TNRC18: variants seen among roughly 807,000 people sequenced by gnomAD.
The protein encoded by TNRC18 is trinucleotide repeat containing 18.
Under a neutral mutation model 226.7 loss-of-function variants are expected in TNRC18, and 69 were observed. That is an observed-to-expected ratio of 0.30 (90% CI 0.25 to 0.37). The LOEUF is 0.37. TNRC18 is among the 10% of genes least tolerant of loss of function. The pLI is 1.00. For synonymous variants in TNRC18, 2,449 were observed against 1,927.6 expected, an observed-to-expected ratio of 1.27 and a Z score of -7.09; for missense variants, 4,754 against 4,256.6, an observed-to-expected ratio of 1.12 and a Z score of -3.25.
At chr7:5,399,239 CCT>C (rs1780914130) in intron 2 of TNRC18, among the ~76,000 whole-genome samples, 1 of 152,136 alleles carries the variant, frequency 6.6e-6, no homozygotes, top group Admixed American at 6.6e-5. Flanking sequence ...AGCTCACTGG[CCT>C]CTCGAAAGAC....
In TNRC18 at chr7:5,327,380, T is replaced by TTTGTGC. The variant is rs1562497179; in HGVS notation, c.6148-2133_6148-2132insGCACAA. On this transcript the variant is annotated intron_variant, in intron 19 of 29. Coordinates refer to ENST00000430969, the MANE Select transcript of TNRC18 (RefSeq NM_001080495.3). ...ATATGTGTGTGTTTGTGCGTGTGTG[T>TTTGTGC]GTGTGTGTGTGTGTGTGTGTGTGTG... Among the ~76,000 whole-genome samples the TTTGTGC allele has an allele frequency of 3.7e-5, 3 of 81,496 alleles. No homozygotes were observed. The East Asian group carries it at 1.7e-3, about 47-fold the overall frequency. The allele number at this position is 81,496 out of a possible 152,430, so 53.5% of individuals were successfully genotyped here. A position where few individuals can be genotyped will look rare whatever the true frequency, so the allele number is the denominator to read the frequency against.
chr7:5,422,182 A>G (rs1309315568), intron 1 of TNRC18, among the ~76,000 whole-genome samples: 5 of 152,002 alleles, frequency 3.3e-5, no homozygotes, highest in Non-Finnish European at 1.5e-5. Flanking sequence ...TAAGGACTGG[A>G]AAGAATCCTA....
At chr7:5,372,859 A>G (rs55822515) in intron 10 of TNRC18, among the ~76,000 whole-genome samples, 83,140 of 151,994 alleles carry the variant, frequency 0.55, 23,599 homozygotes, top group African/African-American at 0.71. Flanking sequence ...ACATCTGTAC[A>G]AATATAAAAA....
chr7:5,351,850 G>T lies in TNRC18; in HGVS notation c.5439C>A (p.Phe1813Leu). The T allele has an allele frequency of 6.2e-7, 1 of 1,605,768 alleles. No homozygotes were observed. The change falls in exon 17 of 30, where the codon TTC (phenylalanine) becomes TTA (leucine). Residue 1813 changes from phenylalanine to leucine, a missense_variant. Transcript: ENST00000430969. ...CAAACGATTCCTCCGAAGAGTCGCT[G>T]AAGGAGGAACGCGCCTCGGCCTCTC... ...LLREAEARSSFSDSSEESFDQ... is the reference protein window; with the variant it reads ...LLREAEARSSLSDSSEESFDQ...
chr7:5,356,179 A>G (rs934150601), intron 16 of TNRC18, among the ~76,000 whole-genome samples: 2 of 146,212 alleles, frequency 1.4e-5, no homozygotes, highest in Non-Finnish European at 1.5e-5. Flanking sequence ...AAAAAAAAAA[A>G]AAAAAGAAAG....
intron 24 of TNRC18, among the ~76,000 whole-genome samples, chr7:5,317,998 A>G (rs191731966): frequency 6.6e-6 from 1 of 152,034 alleles, no homozygotes; most frequent in Admixed American, 6.6e-5. Flanking sequence ...CAGCCTCCCG[A>G]GTAGCTGGGA....
At chr7:5,336,287 C>CT (rs1405703275) in intron 18 of TNRC18, among the ~76,000 whole-genome samples, 2 of 151,236 alleles carry the variant, frequency 1.3e-5, no homozygotes, top group African/African-American at 4.9e-5. Context: ...AGAAAACCAA[C>CT]TAAACGTGAC....
intron 5 of TNRC18, among the ~76,000 whole-genome samples, chr7:5,383,808 T>C (rs1779565270): frequency 6.6e-6 from 1 of 152,032 alleles, no homozygotes; most frequent in African/African-American, 2.4e-5. Context: ...TTTTGTTCTT[T>C]TAGAGACCGG....
intron 24 of TNRC18, among the ~76,000 whole-genome samples, chr7:5,319,252 G>C (rs1364077667): frequency 6.6e-6 from 1 of 152,192 alleles, no homozygotes; most frequent in East Asian, 1.9e-4. Flanking sequence ...CTCATCTGTT[G>C]TTTTGCTGAG....
chr7:5,308,711 CAG>C (rs1297587771), intron 29 of TNRC18, among the ~76,000 whole-genome samples, 162 bp downstream of exon 29: 2 of 152,120 alleles, frequency 1.3e-5, no homozygotes, highest in East Asian at 1.9e-4. Flanking sequence ...ACCAGAGAGA[CAG>C]AGAACAGGAG....
intron 2 of TNRC18, among the ~76,000 whole-genome samples, chr7:5,419,231 G>C (rs1459492652): frequency 6.6e-6 from 1 of 152,266 alleles, no homozygotes; most frequent in Non-Finnish European, 1.5e-5. Context: ...CCCTGGCACT[G>C]TGCATGCATG....
intron 5 of TNRC18, among the ~76,000 whole-genome samples, chr7:5,381,880 C>A (rs1246425358): frequency 6.6e-6 from 1 of 152,086 alleles, no homozygotes; most frequent in Non-Finnish European, 1.5e-5. Flanking sequence ...GCAGGAGAAT[C>A]ACTTGAACCC....
At chr7:5,362,936 C>T (rs1583919253) in intron 11 of TNRC18, 111 bp from the exon 12 acceptor site, 2 of 1,154,618 alleles carry the variant, frequency 1.7e-6, no homozygotes, top group Non-Finnish European at 2.4e-6. Context: ...GTGCCCATCC[C>T]CCAAGGTGCT....
At position 5,376,929 on chromosome 7, in the gene TNRC18, G is replaced by A. The variant is rs1358738993; in HGVS notation, c.2526C>T (p.Ser842=). Residue 842 remains serine (S), a synonymous_variant, in exon 8 of 30, where the codon TCC becomes TCT. Coordinates refer to ENST00000430969, the MANE Select transcript of TNRC18 (RefSeq NM_001080495.3). Reference sequence around the variant, plus strand: ...TGACAAACTGGTAGGCTGACGGGAGGGAGCCCCCCAGGCCAGGTGGGAACG... The same window carrying A: ...TGACAAACTGGTAGGCTGACGGGAGAGAGCCCCCCAGGCCAGGTGGGAACG... ...APAFPPGLGG[S]LPSAYQFVRD... 2 of 1,601,414 alleles carry A rather than the reference G, an allele frequency of 1.2e-6. No individual in the cohort carries two copies. The highest frequency in any genetic ancestry group is 1.7e-6 in the Non-Finnish European group (2 of 1,174,284).
intron 18 of TNRC18, among the ~76,000 whole-genome samples, chr7:5,340,099 A>G (rs1365807922): frequency 3.3e-5 from 5 of 152,232 alleles, no homozygotes; most frequent in African/African-American, 4.8e-5. Flanking sequence ...GATTAAACTT[A>G]GTGAGGAAGG....
rs1389299222 is a variant in TNRC18 at position 5,325,236 on chromosome 7, T to A, written c.6160A>T (p.Lys2054Ter). ...RKDPRKKKKG[K>*]EAGPGAGLPP... ...AGCCCAGCTCCTGGCCCAGCCTCTT[T>A]CCCTTTCTTCTTCTGGAGGAGGAAG... is the stretch of plus-strand genomic sequence containing the variant. The change falls in exon 20 of 30, where the codon AAA becomes TAA. Residue 2054 changes from lysine to a stop codon, truncating the protein, a stop_gained. Transcript: ENST00000430969. LOFTEE classifies it high-confidence loss of function. The A allele has an allele frequency of 6.4e-7, 1 of 1,552,602 alleles. No homozygotes were observed. Among genetic ancestry groups the A allele is most frequent in the Admixed American group, 1.9e-5 (1 of 51,602 alleles).
At chr7:5,384,706 C>G (rs568304317) in intron 5 of TNRC18, among the ~76,000 whole-genome samples, 43 of 152,332 alleles carry the variant, frequency 2.8e-4, no homozygotes, top group African/African-American at 8.2e-4. Flanking sequence ...AGCCCCAAAC[C>G]TCTGAGCAGG....
rs1334784443 is a variant in TNRC18 at position 5,315,036 on chromosome 7, T to A, written c.6975A>T (p.Pro2325=). 3.1e-6 allele frequency: 5 copies of A among 1,609,300 alleles called. No homozygotes were observed. Among genetic ancestry groups the A allele is most frequent in the Non-Finnish European group, 4.2e-6 (5 of 1,178,358 alleles). ...KDGGTAGSEE[P]GAKARGRGRK... is the part of the protein sequence containing the mutation. ...GCCCACGCCCACGGGCCTTGGCTCC[T>A]GGCTCCTCCGACCCAGCCGTGCCAC... Residue 2325 remains proline, a synonymous_variant, in exon 26 of 30, where the codon CCA becomes CCT. Transcript: ENST00000430969.
chr7:5,394,497 A>T lies in TNRC18; in HGVS notation c.286T>A (p.Ser96Thr). Reference sequence around the variant, plus strand: ...ATGGGCAGGTTGCTAGGGGTTGGGGAGCGGAAAGACAGGTCAGAGGGCAGT... The same window carrying T: ...ATGGGCAGGTTGCTAGGGGTTGGGGTGCGGAAAGACAGGTCAGAGGGCAGT... ...VPLPSDLSFR[S>T]PTPSNLPMVQ... The change falls in exon 3 of 30, where the codon TCC becomes ACC. Residue 96 changes from serine (S) to threonine (T), a missense_variant. Coordinates refer to ENST00000430969, the MANE Select transcript of TNRC18 (RefSeq NM_001080495.3). The surrounding 1 kb of genome is among the most constrained non-coding windows in gnomAD (Gnocchi z 4.5). 1 of 1,561,318 alleles carries T rather than the reference A, an allele frequency of 6.4e-7. No individual in the cohort carries two copies. Among genetic ancestry groups the T allele is most frequent in the Non-Finnish European group, 8.7e-7 (1 of 1,154,458 alleles).
Sources: gnomAD v4.1 joint callset for allele counts (sites outside exome capture counted in the v4.1 genomes callset) on GRCh38, gnomAD v4.1.1 for gene constraint, Gnocchi (gnomAD v3.1) non-coding constraint, MANE v1.5 for transcripts, NCBI Gene and HGNC (gene_info 2026-07-23, HGNC 2026-07-21) for gene names.